The following CSMD2 variants were observed in gnomAD, a reference collection of about 807,000 sequenced individuals.
The protein encoded by CSMD2 is CUB and sushi domain-containing protein 2.
Under a neutral mutation model 398.5 loss-of-function variants are expected in CSMD2, and 130 were observed. The observed-to-expected ratio is 0.33, with a 90% CI of 0.28 to 0.38. The LOEUF is 0.38. Among genes scored for constraint, CSMD2 ranks in the 10% least tolerant of loss-of-function variants. The pLI, the probability that CSMD2 is intolerant of heterozygous loss-of-function variation, is 1.00. For missense variants in CSMD2, 3,829 were observed against 4,764.9 expected, an observed-to-expected ratio of 0.80 and a Z score of 5.78; for synonymous variants, 1,828 against 1,908.5, an observed-to-expected ratio of 0.96 and a Z score of 1.10.
chr1:33,922,740 G>A (rs894229982), intron 4 of CSMD2, among the ~76,000 whole-genome samples: 3 of 151,948 alleles, frequency 2.0e-5, no homozygotes, highest in Admixed American at 1.3e-4. Context: ...CCCACATCCA[G>A]CCAGGGACTC....
intron 25 of CSMD2, among the ~76,000 whole-genome samples, chr1:33,671,996 A>AGG (rs143577679): frequency 1.3e-5 from 2 of 152,120 alleles, no homozygotes; most frequent in East Asian, 3.9e-4. Context: ...AGACATGCAA[A>AGG]GGGGGGTGGA....
chr1:33,624,530 C>A lies in CSMD2; in HGVS notation c.5614G>T (p.Ala1872Ser), dbSNP rs778440219. Residue 1872 changes from alanine (A) to serine (S), a missense_variant, in exon 35 of 71, where the codon GCT becomes TCT. Physicochemically the swap from Ala to Ser is moderately conservative, Grantham distance 99. This residue lies in a region of CSMD2 where 2,001 missense variants were observed against 2,567.1 expected (regional missense o/e 0.78). Coordinates refer to ENST00000373381, the MANE Select transcript of CSMD2 (RefSeq NM_001281956.2). The surrounding 1 kb of genome is among the most constrained non-coding windows in gnomAD (Gnocchi z 4.7). The stretch of plus-strand genomic sequence containing the variant: ...CCCCTTGCCCCTACCTGGATGCCAG[C>A]GCCTTCGGGGACCACGATCTTCCAC... Reference protein sequence around the residue: ...CVWKIVVPEGAGIQIQVVSFV... With the variant: ...CVWKIVVPEGSGIQIQVVSFV... 31 of 1,613,704 alleles carry A rather than the reference C, an allele frequency of 1.9e-5. No homozygotes were observed. In the South Asian group the frequency reaches 3.3e-4, roughly 17 times the overall value.
chr1:34,045,849 C>T (rs1202975248), intron 2 of CSMD2, among the ~76,000 whole-genome samples: 2 of 152,200 alleles, frequency 1.3e-5, no homozygotes, highest in Non-Finnish European at 2.9e-5. Context: ...GTGCTCTACC[C>T]CAACGGTTCC....
chr1:34,058,043 G>C (rs1654054777), intron 2 of CSMD2, among the ~76,000 whole-genome samples: 1 of 152,138 alleles, frequency 6.6e-6, no homozygotes, highest in South Asian at 2.1e-4. Context: ...GTGGGACGAG[G>C]GAAAGCCAGT....
At chr1:33,913,696 A>G (rs1643579705) in intron 5 of CSMD2, among the ~76,000 whole-genome samples, 1 of 151,660 alleles carries the variant, frequency 6.6e-6, no homozygotes, top group Non-Finnish European at 1.5e-5. Context: ...TCCCAAGCCT[A>G]CCCCCTTCCC....
intron 12 of CSMD2, among the ~76,000 whole-genome samples, chr1:33,785,449 C>T (rs780070373): frequency 6.6e-6 from 1 of 152,264 alleles, no homozygotes; most frequent in Non-Finnish European, 1.5e-5. Flanking sequence ...CCCAGCTCTG[C>T]TACTTTCCAC....
intron 2 of CSMD2, among the ~76,000 whole-genome samples, chr1:34,084,203 C>T (rs866539061): frequency 6.6e-6 from 1 of 152,140 alleles, no homozygotes; most frequent in Non-Finnish European, 1.5e-5. Flanking sequence ...ATCCTAAGGA[C>T]AAGAGGAAGC....
intron 1 of CSMD2, among the ~76,000 whole-genome samples, chr1:34,093,494 G>A (rs921277520): frequency 2.6e-5 from 4 of 152,010 alleles, no homozygotes; most frequent in African/African-American, 4.8e-5. Flanking sequence ...AAAGGCAAAG[G>A]AGTTGAAAAC....
chr1:33,886,575 C>T (rs910803553), intron 5 of CSMD2, among the ~76,000 whole-genome samples: 3 of 152,162 alleles, frequency 2.0e-5, no homozygotes, highest in Non-Finnish European at 4.4e-5. Flanking sequence ...CTGAGTGCTG[C>T]TTGTTCCTCT....
intron 13 of CSMD2, among the ~76,000 whole-genome samples, chr1:33,745,247 C>G (rs1431204514): frequency 1.3e-5 from 2 of 152,118 alleles, no homozygotes; most frequent in Non-Finnish European, 2.9e-5. Context: ...AAAGACTGGA[C>G]ATAAGCCCCC....
chr1:33,585,667 C>G (rs922559020), intron 46 of CSMD2, among the ~76,000 whole-genome samples: 2 of 152,216 alleles, frequency 1.3e-5, no homozygotes, highest in Non-Finnish European at 2.9e-5. Context: ...TCTCCTGCCT[C>G]TACCAGGTCT....
At chr1:33,928,717 G>A (rs759509256) in intron 4 of CSMD2, among the ~76,000 whole-genome samples, 9 of 152,212 alleles carry the variant, frequency 5.9e-5, no homozygotes, top group Non-Finnish European at 5.9e-5. Context: ...CCCAGTAGCA[G>A]TAGAGTTACC....
chr1:34,042,230 T>C (rs1191448845), intron 2 of CSMD2, among the ~76,000 whole-genome samples: 2 of 152,228 alleles, frequency 1.3e-5, no homozygotes, highest in African/African-American at 4.8e-5. Flanking sequence ...TCCAAATGTC[T>C]TCCAGGCACA....
chr1:34,148,490 AATTC>A (rs146702321), intron 1 of CSMD2, among the ~76,000 whole-genome samples: 1 of 152,150 alleles, frequency 6.6e-6, no homozygotes, highest in Non-Finnish European at 1.5e-5. Context: ...CTTGACGTGT[AATTC>A]ATTCATTCAT....
intron 44 of CSMD2, among the ~76,000 whole-genome samples, chr1:33,597,160 T>C (rs1639896651): frequency 6.6e-6 from 1 of 152,222 alleles, no homozygotes; most frequent in South Asian, 2.1e-4. Context: ...TTCCTTTTTC[T>C]TATTGATCCT....
At chr1:33,621,402 T>C (rs1641761502) in intron 37 of CSMD2, among the ~76,000 whole-genome samples, 1 of 152,196 alleles carries the variant, frequency 6.6e-6, no homozygotes, top group African/African-American at 2.4e-5. Flanking sequence ...CCTGTAATGC[T>C]GTCATGCACC....
At chr1:33,588,374 A>C (rs960891214) in intron 44 of CSMD2, among the ~76,000 whole-genome samples, 1 of 121,374 alleles carries the variant, frequency 8.2e-6, no homozygotes, top group Non-Finnish European at 1.6e-5. Flanking sequence ...TTATATATGC[A>C]TCTTTTACGT....
In CSMD2 at chr1:34,095,446, C is replaced by T. The variant is rs1395157944; in HGVS notation, c.188-6253G>A. Among the ~76,000 whole-genome samples, 6 of 150,702 alleles carry T rather than the reference C, an allele frequency of 4.0e-5. No homozygotes were observed. The South Asian group carries it at 8.4e-4, about 21-fold the overall frequency. On this transcript the variant is annotated intron_variant, in intron 1 of 70. Coordinates refer to ENST00000373381, the MANE Select transcript of CSMD2 (RefSeq NM_001281956.2). The stretch of plus-strand genomic sequence containing the variant: ...GAAGGAAATAGAGACACAAAAAACC[C>T]TTCAAAAAATTAATGAATCCAGGAG...
chr1:33,729,970 A>G (rs899098663), intron 15 of CSMD2, among the ~76,000 whole-genome samples: 6 of 152,180 alleles, frequency 3.9e-5, no homozygotes, highest in African/African-American at 1.4e-4. Flanking sequence ...CCAAAGATAC[A>G]CTGGCAAAAA....
Sources: allele counts gnomAD v4.1 joint callset (sites outside exome capture counted in the v4.1 genomes callset), GRCh38; gene constraint gnomAD v4.1.1; regional missense constraint gnomAD v4.1.1; non-coding constraint Gnocchi (gnomAD v3.1); transcripts MANE v1.5; gene names NCBI Gene and HGNC (gene_info 2026-07-23, HGNC 2026-07-21).